Variants in ALOX5 observed in about 807,000 individuals in gnomAD.
The protein encoded by ALOX5 is arachidonate 5-lipoxygenase.
In ALOX5, 64 loss-of-function variants were observed where a neutral mutation model predicts 87.9. The ratio of observed to expected loss-of-function variants is 0.73; its 90% CI spans 0.60 to 0.90. The LOEUF (loss-of-function observed/expected upper bound fraction) is 0.90, where lower values mean the gene tolerates loss of function less well. ALOX5 is among the 40% of genes least tolerant of loss of function. The pLI is 0.00. For synonymous variants in ALOX5, 388 were observed against 355.1 expected, an observed-to-expected ratio of 1.09 and a Z score of -1.04; for missense variants, 822 against 907.5, an observed-to-expected ratio of 0.91 and a Z score of 1.21.
chr10:45,443,678 C>A, intron 11 of ALOX5, 50 bp from the exon 12 acceptor site: 2 of 1,594,802 alleles, frequency 1.3e-6, no homozygotes, highest in Non-Finnish European at 1.7e-6. Flanking sequence ...GGCGCCGGGC[C>A]CTGGGGTCCT....
chr10:45,393,253 C>A (rs1015519409), intron 2 of ALOX5, among the ~76,000 whole-genome samples: 2 of 152,178 alleles, frequency 1.3e-5, no homozygotes, highest in African/African-American at 4.8e-5. Context: ...AGCTTATCCA[C>A]CAGGATCAAG....
chr10:45,405,534 A>C (rs188528439), intron 3 of ALOX5, among the ~76,000 whole-genome samples: 2 of 152,154 alleles, frequency 1.3e-5, no homozygotes, highest in Admixed American at 6.5e-5. Context: ...TATAGCATTT[A>C]TTATTTGTCT....
intron 2 of ALOX5, among the ~76,000 whole-genome samples, chr10:45,383,139 C>T (rs1839899794): frequency 6.6e-6 from 1 of 152,258 alleles, no homozygotes; most frequent in Admixed American, 6.5e-5. Flanking sequence ...AAGGGGTGGA[C>T]AAGGAGCACC....
intron 1 of ALOX5, among the ~76,000 whole-genome samples, chr10:45,378,149 G>T (rs1226893019): frequency 6.6e-6 from 1 of 151,884 alleles, no homozygotes; most frequent in East Asian, 1.9e-4. Flanking sequence ...TCTGAAATCT[G>T]ATCAGCCCCT....
intron 7 of ALOX5, among the ~76,000 whole-genome samples, chr10:45,430,435 A>T (rs1162511705): frequency 6.6e-6 from 1 of 152,198 alleles, no homozygotes; most frequent in Non-Finnish European, 1.5e-5. Flanking sequence ...ATAGAAAAAA[A>T]AAATGCAAGA....
At chr10:45,430,005 C>A (rs1841856786) in intron 7 of ALOX5, among the ~76,000 whole-genome samples, 1 of 152,188 alleles carries the variant, frequency 6.6e-6, no homozygotes, top group Non-Finnish European at 1.5e-5. Context: ...CTCCCAGGGG[C>A]ACGTAGCCTC....
chr10:45,437,051 A>G lies in ALOX5; in HGVS notation c.982-3379A>G, dbSNP rs377499217. On this transcript the variant is annotated intron_variant, in intron 7 of 13. Transcript: ENST00000374391. ...CTGAACCTGAACATTGTTGGTGCAT[A>G]GAAATGCTACTGATTTTTAGGCCAG... Among the ~76,000 whole-genome samples the G allele has an allele frequency of 2.0e-5, 3 of 152,222 alleles. No homozygotes were observed. The East Asian group carries it at 5.8e-4, about 29-fold the overall frequency.
At chr10:45,396,052 C>A in intron 3 of ALOX5, 116 bp downstream of exon 3, 1 of 991,228 alleles carries the variant, frequency 1.0e-6, no homozygotes, top group Non-Finnish European at 1.5e-6. Flanking sequence ...GGAAAGTCAC[C>A]AAGGCACCAG....
At chr10:45,423,683 A>T (rs1038149223) in intron 4 of ALOX5, among the ~76,000 whole-genome samples, 1 of 152,240 alleles carries the variant, frequency 6.6e-6, no homozygotes, top group Non-Finnish European at 1.5e-5. Flanking sequence ...AAGCCAGGCA[A>T]CACGGTAGAG....
chr10:45,443,341 G>C (rs537569092), intron 10 of ALOX5, 75 bp from the exon 11 acceptor site: 1 of 1,591,232 alleles, frequency 6.3e-7, no homozygotes, highest in African/African-American at 1.3e-5. Context: ...CCCAGCGTCC[G>C]TGAGGGGGTT....
Position 45,443,074 on chromosome 10 carries a change from G to A in ALOX5, c.1309G>A (p.Val437Met), listed in dbSNP as rs1384941753. Residue 437 changes from valine (V) to methionine (M), a missense_variant, in exon 10 of 14, where the codon GTG (valine) becomes ATG (methionine). Val to Met is a conservative substitution (Grantham distance 21, BLOSUM62 1). Coordinates refer to ENST00000374391, the MANE Select transcript of ALOX5 (RefSeq NM_000698.5). Reference protein sequence around the residue: ...ATGGGGHVQMVQRAMKDLTYA... With the variant: ...ATGGGGHVQMMQRAMKDLTYA... ...AGGGGGCGGTGGGCACGTGCAGATG[G>A]TGCAGAGGGCCATGAAGGACCTGAC... 3 of 1,613,578 alleles carry A rather than the reference G, an allele frequency of 1.9e-6. No individual in the cohort carries two copies. Among genetic ancestry groups the A allele is most frequent in the African/African-American group, 1.3e-5 (1 of 74,936 alleles).
At chr10:45,413,655 C>T (rs1841157004) in intron 4 of ALOX5, among the ~76,000 whole-genome samples, 1 of 152,190 alleles carries the variant, frequency 6.6e-6, no homozygotes, top group African/African-American at 2.4e-5. Flanking sequence ...GTCAAATTGT[C>T]CCTGTTTGTA....
rs757957452 is a variant in ALOX5, at chr10:45,428,650, G to A, written c.867G>A (p.Leu289=). 3.3e-5 allele frequency: 53 copies of A among 1,613,980 alleles called. No individual in the cohort carries two copies. The Middle Eastern group carries it at 4.9e-4, about 15-fold the overall frequency. Residue 289 remains leucine (L), a synonymous_variant, in exon 7 of 14, where the codon CTG becomes CTA. Coordinates refer to ENST00000374391, the MANE Select transcript of ALOX5 (RefSeq NM_000698.5). ...ACATTTTCATCGTGGACTTTGAGCT[G>A]CTGGATGGCATCGATGCCAACAAAA... The part of the protein sequence containing the change: ...QGNIFIVDFE[L]LDGIDANKTD...
chr10:45,402,110 T>G (rs1411946419), intron 3 of ALOX5, among the ~76,000 whole-genome samples: 1 of 140,658 alleles, frequency 7.1e-6, no homozygotes, highest in African/African-American at 2.7e-5. Context: ...AAAAAAATCT[T>G]TAACCAGTTT....
chr10:45,425,009 C>A lies in ALOX5; in HGVS notation c.711C>A (p.Phe237Leu), dbSNP rs747477089. Residue 237 changes from phenylalanine to leucine, a missense_variant, in exon 6 of 14, where the codon TTC (phenylalanine) becomes TTA (leucine). Transcript: ENST00000374391. This position sits in a 1 kb window ranked among gnomAD's most constrained non-coding sequence, Gnocchi z 4.4. ...AAGACCTGATGTTTGGCTACCAGTT[C>A]CTGAATGGCTGCAACCCTGTGTTGA... ...WQEDLMFGYQ[F>L]LNGCNPVLIR... 2 of 1,614,220 alleles carry A rather than the reference C, an allele frequency of 1.2e-6. No individual in the cohort carries two copies. Among genetic ancestry groups the A allele is most frequent in the Admixed American group, 1.7e-5 (1 of 60,030 alleles).
At chr10:45,415,482 T>C (rs1373072708) in intron 4 of ALOX5, among the ~76,000 whole-genome samples, 1 of 151,770 alleles carries the variant, frequency 6.6e-6, no homozygotes, top group East Asian at 1.9e-4. Flanking sequence ...TATACCTAAT[T>C]AGGAGTTAAT....
At chr10:45,442,225 G>T (rs1056248695) in intron 9 of ALOX5, among the ~76,000 whole-genome samples, 2 of 152,156 alleles carry the variant, frequency 1.3e-5, no homozygotes, top group African/African-American at 4.8e-5. Flanking sequence ...ACCTGTGTTG[G>T]CATCACACTC....
At chr10:45,442,990 A>C in intron 9 of ALOX5, 48 bp from the exon 10 acceptor site, 1 of 1,576,376 alleles carries the variant, frequency 6.3e-7, no homozygotes, top group Non-Finnish European at 8.6e-7. Context: ...GGGTCTGGAC[A>C]GCTGTGGGAG....
chr10:45,374,442 G>T lies in ALOX5; in HGVS notation c.150+13G>T. On this transcript the variant is annotated intron_variant, in intron 1 of 13. Transcript: ENST00000374391. ...CGAGCGTGGCGCGGTGAGCGCGGGCGGGGCACGGGTGGAGCGCGGGCTGAG... is the reference window on the plus strand; with the variant it reads ...CGAGCGTGGCGCGGTGAGCGCGGGCTGGGCACGGGTGGAGCGCGGGCTGAG... 6.5e-7 allele frequency: 1 copy of T among 1,539,300 alleles called. No homozygotes were observed. Among genetic ancestry groups the T allele is most frequent in the East Asian group, 2.6e-5 (1 of 39,030 alleles).
Sources: gnomAD v4.1 joint callset for allele counts (sites outside exome capture counted in the v4.1 genomes callset) on GRCh38, gnomAD v4.1.1 for gene constraint, Gnocchi (gnomAD v3.1) non-coding constraint, MANE v1.5 for transcripts, NCBI Gene and HGNC (gene_info 2026-07-23, HGNC 2026-07-21) for gene names.